The following TAF2 variants were observed in gnomAD, a reference collection of about 807,000 sequenced individuals.
TAF2 encodes the protein transcription initiation factor TFIID subunit 2.
Under a neutral mutation model 138.5 loss-of-function variants are expected in TAF2, and 61 were observed. The observed-to-expected ratio is 0.44, with a 90% CI of 0.36 to 0.54. The LOEUF (loss-of-function observed/expected upper bound fraction) is 0.54, where lower values mean the gene tolerates loss of function less well. Ranked by LOEUF, TAF2 falls within the 20% of genes least tolerant of loss-of-function variation. The probability of loss-of-function intolerance (pLI) is 0.00; values close to 1 mark genes in which losing one functional copy is unlikely to be tolerated. For missense variants in TAF2, 1,090 were observed against 1,427.9 expected, an observed-to-expected ratio of 0.76 and a Z score of 3.81; for synonymous variants, 475 against 469.9, an observed-to-expected ratio of 1.01 and a Z score of -0.14.
chr8:119,796,308 A>G (rs1016092524), intron 8 of TAF2, among the ~76,000 whole-genome samples: 8 of 152,082 alleles, frequency 5.3e-5, no homozygotes, highest in African/African-American at 1.9e-4. Flanking sequence ...TCTCCACTCC[A>G]GCAAGCGAAA....
At chr8:119,771,427 G>A (rs1821829063) in intron 18 of TAF2, among the ~76,000 whole-genome samples, 1 of 151,896 alleles carries the variant, frequency 6.6e-6, no homozygotes, top group South Asian at 2.1e-4. Context: ...GTAGAGACGA[G>A]GTTTCACCAT....
At chr8:119,774,768 A>G (rs1437519223) in intron 18 of TAF2, among the ~76,000 whole-genome samples, 2 of 152,122 alleles carry the variant, frequency 1.3e-5, no homozygotes, top group Non-Finnish European at 1.5e-5. Flanking sequence ...ACTAAATTAC[A>G]CATTTGGCTT....
At chr8:119,758,560 C>T (rs1394800206) in intron 20 of TAF2, among the ~76,000 whole-genome samples, 1 of 152,124 alleles carries the variant, frequency 6.6e-6, no homozygotes, top group Non-Finnish European at 1.5e-5. Flanking sequence ...GTATAGTCCA[C>T]TGTTTTTGCC....
intron 22 of TAF2, among the ~76,000 whole-genome samples, chr8:119,747,796 G>A (rs1160357261): frequency 6.6e-6 from 1 of 152,048 alleles, no homozygotes; most frequent in African/African-American, 2.4e-5. Flanking sequence ...TAGAACAAAT[G>A]AACAGAAGAA....
At chr8:119,740,845 G>T (rs1368024576) in intron 25 of TAF2, among the ~76,000 whole-genome samples, 1 of 151,928 alleles carries the variant, frequency 6.6e-6, no homozygotes, top group Admixed American at 6.6e-5. Flanking sequence ...GACTTGCTCA[G>T]TGACCTCAGA....
Position 119,746,830 on chromosome 8 carries a change from C to T in TAF2, c.2983G>A (p.Val995Ile), listed in dbSNP as rs1399107432. The part of the protein sequence containing the change: ...SCLPLPELGL[V>I]LNLKEKKAVL... ...GCTTTTTTCTCCTTTAGATTAAGAA[C>T]CAACCCAAGCTCTGGCAAGGGTAAA... The change falls in exon 23 of 26, where the codon GTT becomes ATT. Residue 995 changes from valine to isoleucine, a missense_variant. Around this residue, in one of 3 missense-constraint regions of TAF2, gnomAD observed 580 missense variants for 719.6 expected, o/e 0.81. Transcript: ENST00000378164. 1.2e-6 allele frequency: 2 copies of T among 1,613,976 alleles called. No homozygotes were observed. Among genetic ancestry groups the T allele is most frequent in the African/African-American group, 1.3e-5 (1 of 74,902 alleles).
intron 2 of TAF2, among the ~76,000 whole-genome samples, chr8:119,824,529 C>T (rs936577080): frequency 3.3e-5 from 5 of 152,174 alleles, no homozygotes; most frequent in African/African-American, 1.2e-4. Flanking sequence ...ATGTTAATCC[C>T]CAAGAAAATG....
chr8:119,798,178 T>C (rs1823965153), intron 6 of TAF2, among the ~76,000 whole-genome samples: 1 of 152,170 alleles, frequency 6.6e-6, no homozygotes, highest in South Asian at 2.1e-4. Context: ...ATTATAAACA[T>C]ACCTCTTATT....
intron 6 of TAF2, among the ~76,000 whole-genome samples, chr8:119,798,486 C>A (rs1823994095): frequency 6.6e-6 from 1 of 152,130 alleles, no homozygotes; most frequent in Non-Finnish European, 1.5e-5. Context: ...TGACACAGGT[C>A]ACTGACTAGA....
intron 25 of TAF2, among the ~76,000 whole-genome samples, chr8:119,741,971 T>C (rs1819627444): frequency 6.6e-6 from 1 of 152,200 alleles, no homozygotes; most frequent in South Asian, 2.1e-4. Flanking sequence ...TGAAACAGAA[T>C]AGGTAACAAA....
intron 22 of TAF2, among the ~76,000 whole-genome samples, chr8:119,753,525 A>G (rs955022550): frequency 3.3e-5 from 5 of 152,182 alleles, no homozygotes; most frequent in African/African-American, 7.2e-5. Flanking sequence ...TATAAATCTG[A>G]AAAACTAAGT....
At chr8:119,768,530 A>G (rs937879454) in intron 18 of TAF2, among the ~76,000 whole-genome samples, 3 of 152,064 alleles carry the variant, frequency 2.0e-5, no homozygotes, top group African/African-American at 7.2e-5. Flanking sequence ...AAGATACTTG[A>G]TATGATTTCA....
At chr8:119,820,232 G>A (rs1317703892) in intron 2 of TAF2, among the ~76,000 whole-genome samples, 1 of 152,162 alleles carries the variant, frequency 6.6e-6, no homozygotes, top group Non-Finnish European at 1.5e-5. Flanking sequence ...TATGTTAATT[G>A]ATTTTAATAT....
chr8:119,797,505 A>G (rs1014785254), intron 7 of TAF2, among the ~76,000 whole-genome samples, 157 bp downstream of exon 7: 1 of 152,154 alleles, frequency 6.6e-6, no homozygotes, highest in African/African-American at 2.4e-5. Context: ...GTTTTTCTAC[A>G]TTTAAAAAAT....
chr8:119,746,373 CAAAAAAAAAAAA>C (rs11392436), intron 23 of TAF2, among the ~76,000 whole-genome samples: 2 of 54,322 alleles, frequency 3.7e-5, no homozygotes, highest in Non-Finnish European at 6.7e-5. Context: ...AACTCTGTCT[CAAAAAAAAAAAA>C]AAAAAAAAAA....
chr8:119,783,687 A>C (rs1822829201), intron 15 of TAF2, 54 bp from the exon 16 acceptor site: 2 of 1,531,216 alleles, frequency 1.3e-6, no homozygotes, highest in African/African-American at 2.8e-5. Flanking sequence ...TATCATCTAT[A>C]TATTTAGAAA....
chr8:119,780,980 C>T (rs1291606713), intron 17 of TAF2, 73 bp downstream of exon 17: 3 of 1,182,968 alleles, frequency 2.5e-6, no homozygotes, highest in Non-Finnish European at 3.6e-6. Flanking sequence ...GTAAACACAT[C>T]TATTATTTGA....
chr8:119,775,056 G>A (rs892418903), intron 18 of TAF2, among the ~76,000 whole-genome samples: 21 of 151,816 alleles, frequency 1.4e-4, no homozygotes, highest in Admixed American at 5.9e-4. Flanking sequence ...CAAGGAGGGC[G>A]GATCACAAGG....
chr8:119,749,468 CA>C (rs1326896430), intron 22 of TAF2, among the ~76,000 whole-genome samples: 3 of 151,968 alleles, frequency 2.0e-5, no homozygotes, highest in Non-Finnish European at 4.4e-5. Context: ...AGATAAAAGC[CA>C]AAATTTCATT....
Sources: allele counts gnomAD v4.1 joint callset (sites outside exome capture counted in the v4.1 genomes callset), GRCh38; gene constraint gnomAD v4.1.1; regional missense constraint gnomAD v4.1.1; transcripts MANE v1.5; gene names NCBI Gene and HGNC (gene_info 2026-07-23, HGNC 2026-07-21).